GTF3C6: variants seen among roughly 807,000 people sequenced by gnomAD.
GTF3C6 encodes general transcription factor 3C polypeptide 6.
A neutral mutation model predicts 19.2 loss-of-function variants in GTF3C6; 11 were observed. The observed-to-expected ratio is 0.57, with a 90% CI of 0.36 to 0.95. The LOEUF (loss-of-function observed/expected upper bound fraction) is 0.95. Among genes scored for constraint, GTF3C6 ranks in the 40% least tolerant of loss-of-function variants. GTF3C6 has a pLI of 0.01. For missense variants in GTF3C6, 222 were observed against 254.7 expected, an observed-to-expected ratio of 0.87 and a Z score of 0.87; for synonymous variants, 87 against 84.2, an observed-to-expected ratio of 1.03 and a Z score of -0.18.
Position 110,960,399 on chromosome 6 carries a change from T to C in GTF3C6, c.139-15T>C, listed in dbSNP as rs771762572. The C allele has an allele frequency of 6.3e-7, 1 of 1,590,936 alleles. No individual in the cohort carries two copies. Among genetic ancestry groups the C allele is most frequent in the Non-Finnish European group, 8.5e-7 (1 of 1,171,628 alleles). ...TAATTATGTTTTTTTTTTATGATCC[T>C]TTATTCTGTTGTAGGGCATTGACAC... On this transcript the variant is annotated splice_polypyrimidine_tract_variant and intron_variant, in intron 2 of 5. Transcript: ENST00000329970.
rs192317182 is a variant in GTF3C6, at chr6:110,961,866, G to A, written c.248-526G>A. 9.9e-5 allele frequency among the ~76,000 whole-genome samples: 15 copies of A among 151,648 alleles called. No individual in the cohort carries two copies. The East Asian group carries it at 2.9e-3, about 29-fold the overall frequency. On this transcript the variant is annotated intron_variant, in intron 4 of 5. Transcript: ENST00000329970. ...GTGTTTCTGTCCCTTGAAGATGTTTGTTACTTTTGAATCCAGTTGTGCTTT... is the reference window on the plus strand; with the variant it reads ...GTGTTTCTGTCCCTTGAAGATGTTTATTACTTTTGAATCCAGTTGTGCTTT...
chr6:110,963,057 G>A (rs576707587), intron 5 of GTF3C6, among the ~76,000 whole-genome samples: 6 of 152,080 alleles, frequency 3.9e-5, no homozygotes, highest in African/African-American at 1.2e-4. Flanking sequence ...GATTACAGGC[G>A]TGAGCCACCG....
intron 5 of GTF3C6, among the ~76,000 whole-genome samples, chr6:110,965,354 G>A (rs1457213385): frequency 6.6e-6 from 1 of 151,982 alleles, no homozygotes; most frequent in East Asian, 1.9e-4. Flanking sequence ...AAGCAGACAC[G>A]TTTGTGGAGT....
chr6:110,958,971 C>CG, intron 1 of GTF3C6, 145 bp downstream of exon 1: 1 of 1,006,930 alleles, frequency 9.9e-7, no homozygotes, highest in Non-Finnish European at 1.5e-6. Context: ...CGCGAGGAGC[C>CG]GGGCAGCTTG....
intron 2 of GTF3C6, 39 bp downstream of exon 2, chr6:110,959,291 C>G (rs1204931053): frequency 8.2e-7 from 1 of 1,217,468 alleles, no homozygotes; most frequent in East Asian, 2.3e-5. Flanking sequence ...TCTAGAGTGT[C>G]TTAAATGTAA....
intron 1 of GTF3C6, 100 bp from the exon 2 acceptor site, chr6:110,959,072 G>A (rs1355416130): frequency 2.1e-6 from 2 of 940,604 alleles, no homozygotes; most frequent in East Asian, 2.4e-5. Flanking sequence ...CTGAAAACAG[G>A]GTCCGGTTTT....
At position 110,958,759 on chromosome 6, in the gene GTF3C6, G is replaced by A; in HGVS notation, c.-11G>A. 1 of 1,550,716 alleles carries A rather than the reference G, an allele frequency of 6.4e-7. No homozygotes were observed. The highest frequency in any genetic ancestry group is 8.7e-7 in the Non-Finnish European group (1 of 1,146,890). ...GTGGCCAGTGACTAGAAGGCGAGGC[G>A]CCGCGGGACCATGGCGGCGGCGGCG... On this transcript the variant is annotated 5_prime_UTR_variant, in exon 1 of 6. Transcript: ENST00000329970.
chr6:110,959,406 T>G (rs1771129443), intron 2 of GTF3C6, among the ~76,000 whole-genome samples, 154 bp downstream of exon 2: 1 of 152,198 alleles, frequency 6.6e-6, no homozygotes, highest in Non-Finnish European at 1.5e-5. Flanking sequence ...GTATAATTAA[T>G]TAATATGTAA....
At chr6:110,959,062 C>A in intron 1 of GTF3C6, 110 bp from the exon 2 acceptor site, 1 of 907,928 alleles carries the variant, frequency 1.1e-6, no homozygotes, top group Non-Finnish European at 1.8e-6. Flanking sequence ...TTTCCTCTTG[C>A]TGAAAACAGG....
intron 1 of GTF3C6, 39 bp from the exon 2 acceptor site, chr6:110,959,133 C>T: frequency 6.9e-7 from 1 of 1,441,606 alleles, no homozygotes; most frequent in Non-Finnish European, 9.8e-7. Flanking sequence ...CTCTTGGCCG[C>T]TCGCGTGCTA....
chr6:110,965,816 T>C (rs12055714), intron 5 of GTF3C6, among the ~76,000 whole-genome samples: 37,632 of 152,094 alleles, frequency 0.25, 5,376 homozygotes, highest in East Asian at 0.65. Context: ...TAACAAATTA[T>C]CCCTAAACTT....
chr6:110,967,670 A>G lies in GTF3C6; in HGVS notation c.522A>G (p.Ser174=), dbSNP rs1583249460. 1.2e-6 allele frequency: 2 copies of G among 1,614,194 alleles called. No homozygotes were observed. Among genetic ancestry groups the G allele is most frequent in the African/African-American group, 1.3e-5 (1 of 75,064 alleles). Residue 174 remains serine, a synonymous_variant, in exon 6 of 6, where the codon TCA becomes TCG. Transcript: ENST00000329970. Reference sequence around the variant, plus strand: ...AAGAGATTCAAATGAACGACAGTTCAAACCTGAGTTGTGAACAGGAGAAAC... The same window carrying G: ...AAGAGATTCAAATGAACGACAGTTCGAACCTGAGTTGTGAACAGGAGAAAC... The part of the protein sequence containing the change: ...EEEEIQMNDS[S]NLSCEQEKPM...
At chr6:110,959,364 G>A (rs62420353) in intron 2 of GTF3C6, 112 bp downstream of exon 2, 20,115 of 697,022 alleles carry the variant, frequency 0.029, 398 homozygotes, top group Non-Finnish European at 0.039. Context: ...ACCTTACAAA[G>A]TAGTGAACTC....
In GTF3C6 at chr6:110,963,839, T is replaced by G. The variant is rs557393717; in HGVS notation, c.361+1334T>G. Among the ~76,000 whole-genome samples the G allele has an allele frequency of 2.0e-5, 3 of 151,592 alleles. No homozygotes were observed. The East Asian group carries it at 5.9e-4, about 30-fold the overall frequency. ...GCCTCAGCCTCCCGAGTAGCTGGGA[T>G]TACAGGCATGCACCACTAGGCCTGG... is the stretch of plus-strand genomic sequence containing the variant. On this transcript the variant is annotated intron_variant, in intron 5 of 5. Transcript: ENST00000329970.
rs761009181 is a variant in GTF3C6 at position 110,960,593 on chromosome 6, T to C, written c.224T>C (p.Ile75Thr). 1.9e-5 allele frequency: 31 copies of C among 1,613,780 alleles called. No homozygotes were observed. The highest frequency in any genetic ancestry group is 2.5e-5 in the Non-Finnish European group (30 of 1,179,778). Residue 75 changes from isoleucine to threonine, a missense_variant, in exon 4 of 6, where the codon ATA (isoleucine) becomes ACA (threonine). Transcript: ENST00000329970. Reference protein sequence around the residue: ...EYEDTLGTCVIFEENVEHADT... With the variant: ...EYEDTLGTCVTFEENVEHADT... ...GCAGACACTCTAGGGACCTGTGTTA[T>C]ATTTGAAGAAAATGTTGAACATGGT...
intron 5 of GTF3C6, 96 bp downstream of exon 5, chr6:110,962,601 C>T: frequency 1.5e-6 from 1 of 689,546 alleles, no homozygotes; most frequent in Non-Finnish European, 2.5e-6. Flanking sequence ...TTAGTAATAA[C>T]TATACATGAT....
chr6:110,965,940 A>G (rs552066372), intron 5 of GTF3C6, among the ~76,000 whole-genome samples: 7 of 152,318 alleles, frequency 4.6e-5, no homozygotes, highest in Non-Finnish European at 5.9e-5. Context: ...GGTTGCAGTC[A>G]AAATGTTATC....
intron 5 of GTF3C6, among the ~76,000 whole-genome samples, chr6:110,964,327 C>T (rs1771201252): frequency 6.6e-6 from 1 of 152,066 alleles, no homozygotes; most frequent in South Asian, 2.1e-4. Context: ...TTACTGCAAC[C>T]TCCACCTCCC....
intron 4 of GTF3C6, among the ~76,000 whole-genome samples, chr6:110,961,996 G>A (rs1307874546): frequency 6.6e-6 from 1 of 151,908 alleles, no homozygotes; most frequent in East Asian, 1.9e-4. Flanking sequence ...TCCGCCTCCT[G>A]GGTTCAAGCA....
Sources: allele counts gnomAD v4.1 joint callset (sites outside exome capture counted in the v4.1 genomes callset), GRCh38; gene constraint gnomAD v4.1.1; transcripts MANE v1.5; gene names NCBI Gene and HGNC (gene_info 2026-07-23, HGNC 2026-07-21).